Variants in ADPRM observed in about 807,000 individuals in gnomAD.
ADPRM encodes the protein ADP-ribose/CDP-alcohol diphosphatase, manganese dependent, also known as manganese-dependent ADP-ribose/CDP-alcohol diphosphatase.
ADPRM carries 17 observed loss-of-function variants against 27.2 expected under a neutral mutation model. The observed-to-expected ratio is 0.63, with a 90% CI of 0.43 to 0.94. ADPRM has a LOEUF of 0.94. Among genes scored for constraint, ADPRM ranks in the 40% least tolerant of loss-of-function variants. The probability of loss-of-function intolerance (pLI) is 0.00; values close to 1 mark genes in which losing one functional copy is unlikely to be tolerated. For missense variants in ADPRM, 337 were observed against 412.8 expected (o/e 0.82, Z 1.59); for synonymous variants, 135 against 145.3 (o/e 0.93, Z 0.51).
At chr17:10,697,890 G>A (rs954373560) in intron 1 of ADPRM, 21 of 290,786 alleles carry the variant, frequency 7.2e-5, no homozygotes, top group Middle Eastern at 1.1e-3. Context: ...TCGGAAGAGA[G>A]AACACACTGC....
chr17:10,704,492 A>C lies in ADPRM; in HGVS notation c.-17-418A>C, dbSNP rs1279627337. Among the ~76,000 whole-genome samples the C allele has an allele frequency of 4.1e-5, 6 of 147,424 alleles. No individual in the cohort carries two copies. The East Asian group carries it at 7.9e-4, about 19-fold the overall frequency. On this transcript the variant is annotated intron_variant, in intron 1 of 3. Transcript: ENST00000379774. ...AATGTAATACACAGCTTTCCAAAAA[A>C]AAAAAAAAAAAAAAACTTGAAGTTT...
chr17:10,704,019 A>G (rs1419802988), intron 1 of ADPRM, among the ~76,000 whole-genome samples: 1 of 152,088 alleles, frequency 6.6e-6, no homozygotes, highest in Non-Finnish European at 1.5e-5. Flanking sequence ...CTTAATATTC[A>G]AGTTAAAAAG....
chr17:10,709,147 C>T (rs2074833553), intron 3 of ADPRM, among the ~76,000 whole-genome samples: 1 of 152,064 alleles, frequency 6.6e-6, no homozygotes, highest in Non-Finnish European at 1.5e-5. Context: ...TGAATTTTGG[C>T]CGTGCAGTTG....
chr17:10,705,067 T>C lies in ADPRM; in HGVS notation c.141T>C (p.His47=), dbSNP rs2074804477. The change falls in exon 2 of 4, where the codon CAT becomes CAC. Residue 47 remains histidine (H), a synonymous_variant. Coordinates refer to ENST00000379774, the MANE Select transcript of ADPRM (RefSeq NM_020233.5). This position sits in a 1 kb window ranked among gnomAD's most constrained non-coding sequence, Gnocchi z 5.4. ...FQGTRRRYYR[H]SLLHLQGAIE... is the part of the protein sequence containing the mutation. ...GAACCAGGCGGCGATACTACAGACA[T>C]AGTCTTCTTCACTTACAGGGTGCCA... 2 of 1,614,164 alleles carry C rather than the reference T, an allele frequency of 1.2e-6. No homozygotes were observed. The highest frequency in any genetic ancestry group is 1.7e-6 in the Non-Finnish European group (2 of 1,180,024).
chr17:10,708,389 A>C (rs895294444), intron 3 of ADPRM, among the ~76,000 whole-genome samples: 1 of 133,926 alleles, frequency 7.5e-6, no homozygotes, highest in Non-Finnish European at 1.5e-5. Context: ...AGATCACCCC[A>C]CTGCACTCCA....
At chr17:10,703,699 A>G (rs2074794509) in intron 1 of ADPRM, among the ~76,000 whole-genome samples, 1 of 152,180 alleles carries the variant, frequency 6.6e-6, no homozygotes, top group African/African-American at 2.4e-5. Flanking sequence ...ATGACTAGAG[A>G]TGGGGAGTCT....
intron 1 of ADPRM, among the ~76,000 whole-genome samples, chr17:10,703,638 T>G (rs2074794160): frequency 6.6e-6 from 1 of 152,180 alleles, no homozygotes; most frequent in Non-Finnish European, 1.5e-5. Flanking sequence ...GAGTTGGGAT[T>G]TTACATGTCC....
chr17:10,708,528 C>T (rs2074830062), intron 3 of ADPRM, among the ~76,000 whole-genome samples: 1 of 147,884 alleles, frequency 6.8e-6, no homozygotes, highest in South Asian at 2.2e-4. Flanking sequence ...TTTTTACTTA[C>T]TAATCTTCCA....
intron 1 of ADPRM, among the ~76,000 whole-genome samples, chr17:10,700,105 T>C (rs1253042728): frequency 6.6e-6 from 1 of 152,218 alleles, no homozygotes; most frequent in Non-Finnish European, 1.5e-5. Flanking sequence ...GTAGAAAACA[T>C]ATGCTGCACC....
intron 2 of ADPRM, 85 bp from the exon 3 acceptor site, chr17:10,706,353 C>A: frequency 2.4e-6 from 2 of 842,506 alleles, no homozygotes; most frequent in Non-Finnish European, 3.8e-6. Flanking sequence ...AAAGAAAAAA[C>A]AAGTGTCCCT....
At position 10,705,557 on chromosome 17, in the gene ADPRM, A is replaced by G. The variant is rs2074807541; in HGVS notation, c.601+30A>G. On this transcript the variant is annotated intron_variant, in intron 2 of 3. Coordinates refer to ENST00000379774, the MANE Select transcript of ADPRM (RefSeq NM_020233.5). This position sits in a 1 kb window ranked among gnomAD's most constrained non-coding sequence, Gnocchi z 5.4. ...ATTATTCCTTTGAGCTGAGAATCTA[A>G]TAGATTGTCTTTAAATTCTTCAGCT... is the stretch of plus-strand genomic sequence containing the variant. 9 of 1,597,024 alleles carry G rather than the reference A, an allele frequency of 5.6e-6. No homozygotes were observed. The highest frequency in any genetic ancestry group is 7.7e-6 in the Non-Finnish European group (9 of 1,171,592).
intron 3 of ADPRM, among the ~76,000 whole-genome samples, chr17:10,708,450 A>AAAAAAAAC (rs57337863): frequency 0.049 from 5,807 of 118,122 alleles, 568 homozygotes; most frequent in African/African-American, 0.093. Context: ...AAAAAAAAAA[A>AAAAAAAAC]CCTTTGAAAA....
chr17:10,698,653 T>C (rs1273544917), intron 1 of ADPRM, among the ~76,000 whole-genome samples: 1 of 152,200 alleles, frequency 6.6e-6, no homozygotes, highest in Non-Finnish European at 1.5e-5. Flanking sequence ...TTAGCCAAAC[T>C]AGCCAACTGT....
intron 1 of ADPRM, among the ~76,000 whole-genome samples, chr17:10,704,295 G>A (rs893989239): frequency 3.3e-5 from 5 of 152,114 alleles, no homozygotes; most frequent in Non-Finnish European, 7.4e-5. Flanking sequence ...CTGGATTTTT[G>A]TTGTTGTTTA....
intron 3 of ADPRM, among the ~76,000 whole-genome samples, chr17:10,708,985 T>C (rs1318409903): frequency 6.6e-6 from 1 of 152,250 alleles, no homozygotes; most frequent in Non-Finnish European, 1.5e-5. Flanking sequence ...TTCTACCATT[T>C]GATGTAAGCC....
At chr17:10,701,551 G>T (rs146883587) in intron 1 of ADPRM, among the ~76,000 whole-genome samples, 6,828 of 152,104 alleles carry the variant, frequency 0.045, 514 homozygotes, top group African/African-American at 0.15. Flanking sequence ...GGATGGTCTC[G>T]ATCTCCTGAC....
chr17:10,701,778 A>G (rs539106865), intron 1 of ADPRM, among the ~76,000 whole-genome samples: 1 of 152,274 alleles, frequency 6.6e-6, no homozygotes, highest in African/African-American at 2.4e-5. Flanking sequence ...ATTTCCTGAC[A>G]TTAGAATGCT....
intron 1 of ADPRM, among the ~76,000 whole-genome samples, chr17:10,699,882 T>C (rs1211342602): frequency 1.3e-5 from 2 of 152,192 alleles, no homozygotes; most frequent in South Asian, 4.1e-4. Flanking sequence ...TAGTATCATC[T>C]GATATTGGTT....
intron 3 of ADPRM, among the ~76,000 whole-genome samples, chr17:10,707,326 G>A (rs1475608830): frequency 6.6e-6 from 1 of 151,930 alleles, no homozygotes; most frequent in East Asian, 1.9e-4. Context: ...GTGAGCCAAG[G>A]TTGTGCCACT....
Sources: gnomAD v4.1 joint callset for allele counts (sites outside exome capture counted in the v4.1 genomes callset) on GRCh38, gnomAD v4.1.1 for gene constraint, Gnocchi (gnomAD v3.1) non-coding constraint, MANE v1.5 for transcripts, NCBI Gene and HGNC (gene_info 2026-07-23, HGNC 2026-07-21) for gene names.